Variants in MET observed in about 807,000 individuals in gnomAD.
MET encodes the protein hepatocyte growth factor receptor.
In MET, 48 loss-of-function variants were observed where a neutral mutation model predicts 133.1. The observed-to-expected ratio is 0.36, with a 90% confidence interval of 0.29 to 0.46. The LOEUF (loss-of-function observed/expected upper bound fraction) is 0.46. MET is among the 20% of genes least tolerant of loss of function. The pLI is 1.00. For synonymous variants in MET, 628 were observed against 616.5 expected (o/e 1.02, Z -0.28); for missense variants, 1,442 against 1,695.9 (o/e 0.85, Z 2.63).
At position 116,700,113 on chromosome 7, in the gene MET, C is replaced by G. The variant is rs56340719; in HGVS notation, c.1029C>G (p.Phe343Leu). Reference sequence around the variant, plus strand: ...CCAGCCTGAATGATGACATTCTTTTCGGGGTGTTCGCACAAAGCAAGCCAG... The same window carrying G: ...CCAGCCTGAATGATGACATTCTTTTGGGGGTGTTCGCACAAAGCAAGCCAG... ...IGASLNDDIL[F>L]GVFAQSKPDS... The change falls in exon 2 of 21, where the codon TTC becomes TTG. Residue 343 changes from phenylalanine to leucine, a missense_variant. Coordinates refer to ENST00000397752, the MANE Select transcript of MET (RefSeq NM_000245.4). 2 of 1,608,500 alleles carry G rather than the reference C, an allele frequency of 1.2e-6. No individual in the cohort carries two copies. The highest frequency in any genetic ancestry group is 1.3e-5 in the African/African-American group (1 of 74,556).
At chr7:116,748,073 T>C (rs1057465803) in intron 5 of MET, among the ~76,000 whole-genome samples, 1 of 152,118 alleles carries the variant, frequency 6.6e-6, no homozygotes. Flanking sequence ...TGAAACCCCA[T>C]CTCCACTAAA....
chr7:116,795,886 GA>G lies in MET; in HGVS notation c.3936del (p.Leu1312PhefsTer4). On this transcript the variant is annotated frameshift_variant and splice_region_variant, in exon 21 of 21. Transcript: ENST00000397752. LOFTEE classifies it high-confidence loss of function. ...ACAGCATGTCTTTCTTTTTGGAACA[GA>G]TATGAAGTAATGCTAAAATGCTGGC... The part of the protein sequence containing the change: ...LLQPEYCPDP[L>X]YEVMLKCWHP... 1 of 1,614,196 alleles carries G rather than the reference GA, an allele frequency of 6.2e-7. No homozygotes were observed. The highest frequency in any genetic ancestry group is 8.5e-7 in the Non-Finnish European group (1 of 1,180,028).
At position 116,783,660 on chromosome 7, in the gene MET, T is replaced by C. The variant is rs146111367; in HGVS notation, c.3798+191T>C. Among the ~76,000 whole-genome samples, 395 of 152,320 alleles carry C rather than the reference T, an allele frequency of 2.6e-3. 2 individuals are homozygous for C. Among genetic ancestry groups the C allele is most frequent in the African/African-American group, 9.0e-3 (376 of 41,582 alleles). On this transcript the variant is annotated intron_variant, in intron 19 of 20. Coordinates refer to ENST00000397752, the MANE Select transcript of MET (RefSeq NM_000245.4). ...ATAAATTCACTCATTTGTTCAAAAA[T>C]ATTTGTTGAGTGGGGCAACATACCA...
At chr7:116,760,009 T>C (rs977080204) in intron 10 of MET, among the ~76,000 whole-genome samples, 2 of 152,204 alleles carry the variant, frequency 1.3e-5, no homozygotes, top group African/African-American at 4.8e-5. Context: ...ACTCTTGACC[T>C]CAAATGATCT....
intron 2 of MET, among the ~76,000 whole-genome samples, chr7:116,711,664 A>G (rs767362061): frequency 6.6e-6 from 1 of 152,104 alleles, no homozygotes; most frequent in Non-Finnish European, 1.5e-5. Context: ...ATTGATGCCA[A>G]TAAGATAAAA....
rs768627036 is a variant in MET at position 116,795,720 on chromosome 7, C to T, written c.3864C>T (p.Asn1288=). 10 of 1,614,052 alleles carry T rather than the reference C, an allele frequency of 6.2e-6. No individual in the cohort carries two copies. The highest frequency in any genetic ancestry group is 1.3e-5 in the African/African-American group (1 of 74,918). ...TRGAPPYPDV[N]TFDITVYLLQ... ...GAGCCCCACCTTATCCTGACGTAAA[C>T]ACCTTTGATATAACTGTTTACTTGT... Residue 1288 remains asparagine (N), a synonymous_variant, in exon 20 of 21, where the codon AAC becomes AAT. Transcript: ENST00000397752.
chr7:116,740,000 G>A lies in MET; in HGVS notation c.1443G>A (p.Leu481=). 3 of 1,614,082 alleles carry A rather than the reference G, an allele frequency of 1.9e-6. No homozygotes were observed. Among genetic ancestry groups the A allele is most frequent in the Non-Finnish European group, 2.5e-6 (3 of 1,179,990 alleles). ...CAACCCCTCATGTGAATTTTCTCCT[G>A]GACTCCCATCCAGTGTCTCCAGAAG... ...GPSTPHVNFL[L]DSHPVSPEVI... The change falls in exon 4 of 21, where the codon CTG becomes CTA. Residue 481 remains leucine (L), a synonymous_variant. Transcript: ENST00000397752.
At chr7:116,687,730 AG>A (rs1796612766) in intron 1 of MET, among the ~76,000 whole-genome samples, 1 of 152,238 alleles carries the variant, frequency 6.6e-6, no homozygotes, top group Non-Finnish European at 1.5e-5. Context: ...AAAATTTCTC[AG>A]GTGTGAGCAA....
intron 2 of MET, among the ~76,000 whole-genome samples, chr7:116,720,415 A>C (rs1792434540): frequency 7.0e-6 from 1 of 143,706 alleles, no homozygotes; most frequent in East Asian, 2.0e-4. Flanking sequence ...TAGATATACA[A>C]TCATGTCGTC....
At chr7:116,684,826 G>T (rs576115847) in intron 1 of MET, among the ~76,000 whole-genome samples, 19 of 152,242 alleles carry the variant, frequency 1.2e-4, no homozygotes, top group African/African-American at 4.3e-4. Flanking sequence ...TTTCAGCAAA[G>T]AAGTGACATA....
chr7:116,751,118 C>A (rs1793903981), intron 5 of MET, among the ~76,000 whole-genome samples: 1 of 152,176 alleles, frequency 6.6e-6, no homozygotes, highest in African/African-American at 2.4e-5. Flanking sequence ...AAGATACATG[C>A]ACACGTATGT....
chr7:116,749,897 T>C (rs1793847561), intron 5 of MET, among the ~76,000 whole-genome samples: 1 of 152,024 alleles, frequency 6.6e-6, no homozygotes, highest in Non-Finnish European at 1.5e-5. Context: ...GAATACAACT[T>C]ACAAGGGATG....
intron 19 of MET, among the ~76,000 whole-genome samples, chr7:116,787,684 G>T (rs1057482679): frequency 1.3e-5 from 2 of 152,210 alleles, no homozygotes; most frequent in Non-Finnish European, 2.9e-5. Flanking sequence ...GAACACTGTT[G>T]CATTGGGAGG....
intron 19 of MET, among the ~76,000 whole-genome samples, chr7:116,787,768 T>G (rs1795362811): frequency 6.6e-6 from 1 of 152,184 alleles, no homozygotes; most frequent in Non-Finnish European, 1.5e-5. Context: ...CTCAATTTTT[T>G]TAAGTAAGCA....
chr7:116,736,381 A>G (rs1162691497), intron 3 of MET, among the ~76,000 whole-genome samples: 2 of 152,130 alleles, frequency 1.3e-5, no homozygotes, highest in Admixed American at 6.6e-5. Flanking sequence ...AAACCGTTCA[A>G]TTGTCCACTT....
chr7:116,779,722 T>TA (rs959294309), intron 17 of MET, among the ~76,000 whole-genome samples: 16 of 148,572 alleles, frequency 1.1e-4, no homozygotes, highest in East Asian at 5.9e-4. Flanking sequence ...TACTTAGTAT[T>TA]AAAAAAAAAA....
rs1795679660 is a variant in MET at position 116,796,388 on chromosome 7, G to A, written c.*264G>A. The A allele has an allele frequency of 2.0e-6, 1 of 508,214 alleles. No homozygotes were observed. Among genetic ancestry groups the A allele is most frequent in the Non-Finnish European group, 3.6e-6 (1 of 280,960 alleles). The allele number at this position is 508,214 out of a possible 1,614,324, so 31.5% of individuals were successfully genotyped here. Reference sequence around the variant, plus strand: ...TATTGGAGTCCAAAACTTGAATTCTGGGTTGAATTTTTTAAAAATCAGGTA... The same window carrying A: ...TATTGGAGTCCAAAACTTGAATTCTAGGTTGAATTTTTTAAAAATCAGGTA... On this transcript the variant is annotated 3_prime_UTR_variant, in exon 21 of 21. Transcript: ENST00000397752.
chr7:116,754,873 A>AAGAG (rs768705021), intron 5 of MET, among the ~76,000 whole-genome samples: 2 of 137,548 alleles, frequency 1.5e-5, no homozygotes, highest in Non-Finnish European at 3.1e-5. Flanking sequence ...AAAAGAAAGA[A>AAGAG]AGAGAGAGAG....
chr7:116,797,877 T>C lies in MET; in HGVS notation c.*1753T>C, dbSNP rs958186057. On this transcript the variant is annotated 3_prime_UTR_variant, in exon 21 of 21. Coordinates refer to ENST00000397752, the MANE Select transcript of MET (RefSeq NM_000245.4). The stretch of plus-strand genomic sequence containing the variant: ...GGTGTGTCACACTGAAACTCAATAG[T>C]TGAGTTTGGCTGTTGTTGCAGGAAA... 2 of 224,800 alleles carry C rather than the reference T, an allele frequency of 8.9e-6. No individual in the cohort carries two copies. Among genetic ancestry groups the C allele is most frequent in the African/African-American group, 4.5e-5 (2 of 44,886 alleles). 13.9% of individuals were successfully genotyped at this position (224,800 alleles called of 1,614,324 possible).
Sources: allele counts gnomAD v4.1 joint callset (sites outside exome capture counted in the v4.1 genomes callset), GRCh38; gene constraint gnomAD v4.1.1; transcripts MANE v1.5; gene names NCBI Gene and HGNC (gene_info 2026-07-23, HGNC 2026-07-21).